Variants in RECQL5 observed in about 807,000 individuals in gnomAD.
RECQL5 encodes RecQ like helicase 5.
A neutral mutation model predicts 103.4 loss-of-function variants in RECQL5; 88 were observed. The observed-to-expected ratio is 0.85, with a 90% CI of 0.72 to 1.02. The LOEUF is 1.02. Ranked by LOEUF, RECQL5 falls within the 50% of genes least tolerant of loss-of-function variation. RECQL5 has a pLI of 0.00. For missense variants in RECQL5, 1,232 were observed against 1,284.3 expected (o/e 0.96, Z 0.62); for synonymous variants, 552 against 507.9 (o/e 1.09, Z -1.17).
At chr17:75,628,522 C>A in intron 17 of RECQL5, 80 bp from the exon 18 acceptor site, 1 of 1,541,004 alleles carries the variant, frequency 6.5e-7, no homozygotes, top group Non-Finnish European at 8.8e-7. Flanking sequence ...ACTGGGTCCC[C>A]GCACCAGCTG....
Position 75,636,961 on chromosome 17 carries a change from G to C in RECQL5, c.1230-5293C>G, listed in dbSNP as rs2059334798. 6.6e-6 allele frequency: 1 copy of C among 152,210 alleles called. No individual in the cohort carries two copies. Among genetic ancestry groups the C allele is most frequent in the Non-Finnish European group, 1.5e-5 (1 of 68,052 alleles). 9.4% of individuals were successfully genotyped at this position (152,210 alleles called of 1,614,324 possible). ...AGGGAAGCCCTGGGCGCAAAGCTAT[G>C]ACACTGTCCACAGCCGCAGCCTGCT... On this transcript the variant is annotated intron_variant, in intron 8 of 19. Transcript: ENST00000317905. The surrounding 1 kb of genome is among the most constrained non-coding windows in gnomAD (Gnocchi z 5.4).
rs975772286 is a variant in RECQL5 at position 75,647,599 on chromosome 17, G to A, written c.1229+3587C>T. The A allele has an allele frequency of 4.5e-6, 7 of 1,544,336 alleles. No individual in the cohort carries two copies. The African/African-American group carries it at 9.6e-5, about 21-fold the overall frequency. On this transcript the variant is annotated intron_variant, in intron 8 of 19. Transcript: ENST00000317905. ...GCTGGGGACTGAGATGGCAGCAGGG[G>A]AGGCGAGCTGACCTGCCCCCATTCC... is the stretch of plus-strand genomic sequence containing the variant.
chr17:75,651,701 T>C (rs2059557695), intron 7 of RECQL5, among the ~76,000 whole-genome samples: 1 of 152,198 alleles, frequency 6.6e-6, no homozygotes. Context: ...ACCCCCAGAC[T>C]ACTGAACTGA....
rs1480233823 is a variant in RECQL5 at position 75,666,418 on chromosome 17, G to A, written c.130+10C>T. The A allele has an allele frequency of 6.2e-7, 1 of 1,613,706 alleles. No homozygotes were observed. Among genetic ancestry groups the A allele is most frequent in the South Asian group, 1.1e-5 (1 of 91,020 alleles). On this transcript the variant is annotated intron_variant, in intron 2 of 19. Transcript: ENST00000317905. ...CATAAATTTAAAGGAAGGTAGCTTG[G>A]TAATGTTACCTTTTACTACAGCCAT...
rs1208735154 is a variant in RECQL5, at chr17:75,627,259, G to T, written c.*163C>A. ...CAGAAAGAAAGGTGGGCTGACCTCT[G>T]ACCTGGATTCAGGGGGTGTCTGGGG... On this transcript the variant is annotated 3_prime_UTR_variant, in exon 20 of 20. Transcript: ENST00000317905. 1.6e-5 allele frequency: 11 copies of T among 701,426 alleles called. No homozygotes were observed. The South Asian group carries it at 1.7e-4, about 11-fold the overall frequency. 43.5% of individuals were successfully genotyped at this position (701,426 alleles called of 1,614,324 possible). A position where few individuals can be genotyped will look rare whatever the true frequency, so the allele number is the denominator to read the frequency against.
intron 16 of RECQL5, 39 bp downstream of exon 16, chr17:75,628,895 G>A (rs2148218657): frequency 6.3e-7 from 1 of 1,582,978 alleles, no homozygotes; most frequent in Non-Finnish European, 8.5e-7. Flanking sequence ...ATGCTGCCGT[G>A]TAGGTTCCAG....
chr17:75,649,735 C>G (rs1297980066), intron 8 of RECQL5: 1 of 985,374 alleles, frequency 1.0e-6, no homozygotes, highest in African/African-American at 1.7e-5. Flanking sequence ...AGCGTTTATT[C>G]CAGCCTGCTG....
intron 7 of RECQL5, among the ~76,000 whole-genome samples, chr17:75,654,796 T>C (rs1172542738): frequency 2.0e-5 from 3 of 151,860 alleles, no homozygotes; most frequent in African/African-American, 7.3e-5. Context: ...ATTTTTTTTA[T>C]TATTATTAGT....
At chr17:75,628,589 T>C (rs2059147580) in intron 17 of RECQL5, 83 bp downstream of exon 17, 1 of 1,510,816 alleles carries the variant, frequency 6.6e-7, no homozygotes, top group Non-Finnish European at 8.8e-7. Context: ...TGATTTTCCC[T>C]GACCCCTTGA....
intron 7 of RECQL5, 76 bp from the exon 8 acceptor site, chr17:75,651,341 G>T: frequency 6.5e-7 from 1 of 1,549,668 alleles, no homozygotes. Flanking sequence ...TAATGAGGAG[G>T]CCGAGTGCGG....
In RECQL5 at chr17:75,635,750, C is replaced by T. The variant is rs1024465515; in HGVS notation, c.1230-4082G>A. ...CAAGGGTGACTAAAACCCACCATGACGAAACAACAGGGCAGAGCAAGCAGC... is the reference window on the plus strand; with the variant it reads ...CAAGGGTGACTAAAACCCACCATGATGAAACAACAGGGCAGAGCAAGCAGC... On this transcript the variant is annotated intron_variant, in intron 8 of 19. Coordinates refer to ENST00000317905, the MANE Select transcript of RECQL5 (RefSeq NM_004259.7). 12 of 981,522 alleles carry T rather than the reference C, an allele frequency of 1.2e-5. No homozygotes were observed. In the South Asian group the frequency reaches 1.9e-4, roughly 15 times the overall value. 60.8% of individuals were successfully genotyped at this position (981,522 alleles called of 1,614,324 possible).
At chr17:75,665,874 A>G (rs72860328) in intron 2 of RECQL5, among the ~76,000 whole-genome samples, 2,181 of 152,210 alleles carry the variant, frequency 0.014, 70 homozygotes, top group East Asian at 0.079. Context: ...GCCTCTTGGC[A>G]ACTTCCATTT....
At position 75,627,324 on chromosome 17, in the gene RECQL5, T is replaced by A; in HGVS notation, c.*98A>T. ...AAGTATGGTTGGAAAGGAGAAGGAC[T>A]GAGAAAAGACGATGGCCCTGGCATC... is the stretch of plus-strand genomic sequence containing the variant. On this transcript the variant is annotated 3_prime_UTR_variant, in exon 20 of 20. Transcript: ENST00000317905. 1.1e-6 allele frequency: 1 copy of A among 934,864 alleles called. No individual in the cohort carries two copies. The highest frequency in any genetic ancestry group is 1.8e-5 in the Admixed American group (1 of 56,356). The allele number at this position is 934,864 out of a possible 1,614,324, so 57.9% of individuals were successfully genotyped here.
rs1041554596 is a variant in RECQL5 at position 75,640,197 on chromosome 17, G to A, written c.1230-8529C>T. On this transcript the variant is annotated intron_variant, in intron 8 of 19. Transcript: ENST00000317905. This position sits in a 1 kb window ranked among gnomAD's most constrained non-coding sequence, Gnocchi z 4.6. ...GCAGGAGCCCCAACAGGAAGCCAGC[G>A]CGGCATGGCTGCCACCGACTTCGTG... is the stretch of plus-strand genomic sequence containing the variant. 1.2e-5 allele frequency: 19 copies of A among 1,545,464 alleles called. No individual in the cohort carries two copies. In the East Asian group the frequency reaches 2.2e-4, roughly 18 times the overall value.
At chr17:75,633,904 T>C (rs1315107409) in intron 8 of RECQL5, 7 of 989,674 alleles carry the variant, frequency 7.1e-6, no homozygotes, top group Non-Finnish European at 8.4e-6. Flanking sequence ...GAGAGGGAGC[T>C]TGTCTTGTCC....
In RECQL5 at chr17:75,627,076, G is replaced by T. The variant is rs575551506; in HGVS notation, c.*346C>A. The T allele has an allele frequency of 3.5e-4, 163 of 469,900 alleles. No individual in the cohort carries two copies. The highest frequency in any genetic ancestry group is 2.0e-3 in the South Asian group (125 of 62,768). The allele number at this position is 469,900 out of a possible 1,614,324, so 29.1% of individuals were successfully genotyped here. ...TGGGTAGGTTCCGATACCTTGGACA[G>T]GTGGGCCTCATCCTGACTTAGAACT... On this transcript the variant is annotated 3_prime_UTR_variant, in exon 20 of 20. Transcript: ENST00000317905.
At chr17:75,628,522 C>T (rs915657758) in intron 17 of RECQL5, 80 bp from the exon 18 acceptor site, 46 of 1,540,888 alleles carry the variant, frequency 3.0e-5, no homozygotes, top group Admixed American at 5.5e-5. Flanking sequence ...ACTGGGTCCC[C>T]GCACCAGCTG....
intron 8 of RECQL5, among the ~76,000 whole-genome samples, chr17:75,642,711 G>C (rs144558862): frequency 2.0e-4 from 31 of 152,336 alleles, no homozygotes; most frequent in Admixed American, 4.6e-4. Flanking sequence ...ATTGTCTTCA[G>C]CATTTTGGTG....
intron 8 of RECQL5, chr17:75,641,152 C>A: frequency 1.9e-6 from 1 of 537,420 alleles, no homozygotes; most frequent in Non-Finnish European, 3.1e-6. Flanking sequence ...GGGTCAACTG[C>A]CTGGGCTTCT....
Sources: allele counts gnomAD v4.1 joint callset (sites outside exome capture counted in the v4.1 genomes callset), GRCh38; gene constraint gnomAD v4.1.1; non-coding constraint Gnocchi (gnomAD v3.1); transcripts MANE v1.5; gene names NCBI Gene and HGNC (gene_info 2026-07-23, HGNC 2026-07-21).